COPS6: variants seen among roughly 807,000 people sequenced by gnomAD.
COPS6 encodes COP9 signalosome subunit 6.
In COPS6, 9 loss-of-function variants were observed where a neutral mutation model predicts 41.0. The observed-to-expected ratio is 0.22, with a 90% CI of 0.13 to 0.38. The LOEUF is 0.38. Ranked by LOEUF, COPS6 falls within the 10% of genes least tolerant of loss-of-function variation. The pLI, the probability that COPS6 is intolerant of heterozygous loss-of-function variation, is 1.00. For missense variants in COPS6, 302 were observed against 436.7 expected (o/e 0.69, Z 2.75); for synonymous variants, 179 against 162.9 (o/e 1.10, Z -0.75).
At chr7:100,089,259 C>T (rs375171440) in intron 1 of COPS6, 31 bp from the exon 2 acceptor site, 11 of 1,602,626 alleles carry the variant, frequency 6.9e-6, no homozygotes, top group Non-Finnish European at 9.4e-6. Context: ...GGCCCGGACT[C>T]TCACCCTCTC....
At position 100,091,085 on chromosome 7, in the gene COPS6, A is replaced by G. The variant is rs1278037938; in HGVS notation, c.582A>G (p.Glu194=). The G allele has an allele frequency of 6.2e-7, 1 of 1,614,254 alleles. No individual in the cohort carries two copies. The highest frequency in any genetic ancestry group is 8.5e-7 in the Non-Finnish European group (1 of 1,180,044). The part of the protein sequence containing the change: ...AELTYTLATE[E]AERIGVDHVA... ...TGACCTACACTCTGGCCACAGAGGA[A>G]GCGGAACGCATTGGTGTAGACCACG... Residue 194 remains glutamate, a synonymous_variant, in exon 7 of 10, where the codon GAA becomes GAG. Transcript: ENST00000303904. The surrounding 1 kb of genome is among the most constrained non-coding windows in gnomAD (Gnocchi z 4.1).
rs113017856 is a variant in COPS6, at chr7:100,091,536, G to A, written c.843+16G>A. On this transcript the variant is annotated intron_variant, in intron 9 of 9. Coordinates refer to ENST00000303904, the MANE Select transcript of COPS6 (RefSeq NM_006833.5). The surrounding 1 kb of genome is among the most constrained non-coding windows in gnomAD (Gnocchi z 4.1). ...TTTTTATGATGTGAGTGTAAAACCCGGATGGGGAGGCGGGGCTTATGCTGT... is the reference window on the plus strand; with the variant it reads ...TTTTTATGATGTGAGTGTAAAACCCAGATGGGGAGGCGGGGCTTATGCTGT... 124 of 1,613,926 alleles carry A rather than the reference G, an allele frequency of 7.7e-5. No individual in the cohort carries two copies. The highest frequency in any genetic ancestry group is 1.7e-4 in the African/African-American group (13 of 75,034).
Position 100,089,350 on chromosome 7 carries a change from T to C in COPS6, c.137T>C (p.Leu46Pro). Residue 46 changes from leucine (L) to proline (P), a missense_variant, in exon 2 of 10, where the codon CTT becomes CCT. Leu to Pro is a moderately conservative substitution (Grantham distance 98, BLOSUM62 -3). Coordinates refer to ENST00000303904, the MANE Select transcript of COPS6 (RefSeq NM_006833.5). ...AGTGTTTCCGTCGCTCTCCATCCCC[T>C]TGTCATTCTCAACATCTCAGACCAC... Reference protein sequence around the residue: ...TGSVSVALHPLVILNISDHWI... With the variant: ...TGSVSVALHPPVILNISDHWI... 6.2e-7 allele frequency: 1 copy of C among 1,614,080 alleles called. No individual in the cohort carries two copies.
rs773102720 is a variant in COPS6, at chr7:100,090,958, C to A, written c.534+9C>A. On this transcript the variant is annotated intron_variant, in intron 6 of 9. Transcript: ENST00000303904. ...ATATAATCAATGGAGAGGTAATACC[C>A]TACCCTTCAACCCTCAGATCCTGCT... The A allele has an allele frequency of 1.9e-5, 31 of 1,613,972 alleles. No homozygotes were observed. Among genetic ancestry groups the A allele is most frequent in the Admixed American group, 6.7e-5 (4 of 60,006 alleles).
intron 3 of COPS6, 161 bp downstream of exon 3, chr7:100,089,907 A>T: frequency 1.5e-6 from 1 of 673,236 alleles, no homozygotes; most frequent in African/African-American, 1.8e-5. Context: ...GAAAACGTTC[A>T]GAGTTCTTTC....
Position 100,089,679 on chromosome 7 carries a change from G to A in COPS6, c.267G>A (p.Leu89=). 4 of 1,613,932 alleles carry A rather than the reference G, an allele frequency of 2.5e-6. No homozygotes were observed. The highest frequency in any genetic ancestry group is 3.4e-6 in the Non-Finnish European group (4 of 1,179,898). ...RNIEVMNSFE[L]LSHTVEEKII... ...TCGAGGTGATGAACTCCTTTGAGCT[G>A]CTGTCCCACACCGTGGAAGAGAAGA... Residue 89 remains leucine, a synonymous_variant, in exon 3 of 10, where the codon CTG becomes CTA. Coordinates refer to ENST00000303904, the MANE Select transcript of COPS6 (RefSeq NM_006833.5).
chr7:100,091,075 C>A lies in COPS6; in HGVS notation c.572C>A (p.Ala191Asp). The A allele has an allele frequency of 6.2e-7, 1 of 1,614,212 alleles. No homozygotes were observed. Among genetic ancestry groups the A allele is most frequent in the Non-Finnish European group, 8.5e-7 (1 of 1,180,026 alleles). ...MLFAELTYTL[A>D]TEEAERIGVD... ...TTTGCTGAGCTGACCTACACTCTGG[C>A]CACAGAGGAAGCGGAACGCATTGGT... The change falls in exon 7 of 10, where the codon GCC becomes GAC. Residue 191 changes from alanine to aspartate, a missense_variant. This residue lies in a region of COPS6 where 222 missense variants were observed against 309.0 expected (regional missense o/e 0.72). Transcript: ENST00000303904. The surrounding 1 kb of genome is among the most constrained non-coding windows in gnomAD (Gnocchi z 4.1).
chr7:100,091,572 TG>T lies in COPS6; in HGVS notation c.843+53del. 1 of 1,613,854 alleles carries T rather than the reference TG, an allele frequency of 6.2e-7. No homozygotes were observed. The highest frequency in any genetic ancestry group is 8.5e-7 in the Non-Finnish European group (1 of 1,179,758). On this transcript the variant is annotated intron_variant, in intron 9 of 9. Transcript: ENST00000303904. The surrounding 1 kb of genome is among the most constrained non-coding windows in gnomAD (Gnocchi z 4.1). ...CGGGGCTTATGCTGTCACTTTCACG[TG>T]CAGGACTGGGGACTGTTGTTCCCCG...
intron 3 of COPS6, chr7:100,090,027 C>A: frequency 2.2e-6 from 1 of 444,928 alleles, no homozygotes; most frequent in Non-Finnish European, 4.1e-6. Context: ...ACACCAGGAG[C>A]TTCACATTGA....
chr7:100,091,162 G>A lies in COPS6; in HGVS notation c.649+10G>A, dbSNP rs199570050. 8.7e-6 allele frequency: 14 copies of A among 1,613,684 alleles called. No homozygotes were observed. The South Asian group carries it at 1.3e-4, about 15-fold the overall frequency. On this transcript the variant is annotated intron_variant, in intron 7 of 9. Transcript: ENST00000303904. The surrounding 1 kb of genome is among the most constrained non-coding windows in gnomAD (Gnocchi z 4.1). ...GGAGAGAACTCCACTGGTAATGGAG[G>A]GGATTCCTTGGAAGTGGGGTTGGAA... is the stretch of plus-strand genomic sequence containing the variant.
At chr7:100,089,237 G>T in intron 1 of COPS6, 53 bp from the exon 2 acceptor site, 1 of 1,579,972 alleles carries the variant, frequency 6.3e-7, no homozygotes, top group Non-Finnish European at 8.6e-7. Flanking sequence ...CCATCTCCAG[G>T]GAAGAACGTG....
Position 100,090,597 on chromosome 7 carries a change from T to C in COPS6, c.429T>C (p.Cys143=), listed in dbSNP as rs3823641. 1,360 of 1,613,966 alleles carry C rather than the reference T, an allele frequency of 8.4e-4. 20 individuals are homozygous for C. In the East Asian group the frequency reaches 0.027, roughly 32 times the overall value. Residue 143 remains cysteine (C), a synonymous_variant, in exon 5 of 10, where the codon TGT becomes TGC. Transcript: ENST00000303904. The part of the protein sequence containing the change: ...PSDIHVHKQV[C]EIIESPLFLK... ...GCATTGTCCCTCTCTTCCAGGTGTGTGAGATCATCGAGAGCCCCCTCTTTC... is the reference window on the plus strand; with the variant it reads ...GCATTGTCCCTCTCTTCCAGGTGTGCGAGATCATCGAGAGCCCCCTCTTTC...
In COPS6 at chr7:100,089,785, T is replaced by TA. The variant is rs371859953; in HGVS notation, c.334+49dup. Reference sequence around the variant, plus strand: ...AGATGTGGGGAAGAGGAGTGGGAGTTAAAAAAAAAATGTACAGGGTGGGGA... The same window carrying TA: ...AGATGTGGGGAAGAGGAGTGGGAGTTAAAAAAAAAAATGTACAGGGTGGGGA... On this transcript the variant is annotated intron_variant, in intron 3 of 9. Coordinates refer to ENST00000303904, the MANE Select transcript of COPS6 (RefSeq NM_006833.5). 2.8e-3 allele frequency: 3,962 copies of TA among 1,433,002 alleles called. 3 individuals carry two copies. Among genetic ancestry groups the TA allele is most frequent in the Non-Finnish European group, 3.2e-3 (3,419 of 1,061,366 alleles). The allele number at this position is 1,433,002 out of a possible 1,614,324, so 88.8% of individuals were successfully genotyped here. A position where few individuals can be genotyped will look rare whatever the true frequency, so the allele number is the denominator to read the frequency against.
At position 100,089,328 on chromosome 7, in the gene COPS6, G is replaced by A; in HGVS notation, c.115G>A (p.Val39Ile). The A allele has an allele frequency of 6.2e-7, 1 of 1,614,108 alleles. No homozygotes were observed. The highest frequency in any genetic ancestry group is 8.5e-7 in the Non-Finnish European group (1 of 1,180,012). ...GATGGCCTGCGGAGTGACTGGGAGT[G>A]TTTCCGTCGCTCTCCATCCCCTTGT... ...SVMACGVTGSVSVALHPLVIL... is the reference protein window; with the variant it reads ...SVMACGVTGSISVALHPLVIL... The change falls in exon 2 of 10, where the codon GTT (valine) becomes ATT (isoleucine). Residue 39 changes from valine to isoleucine, a missense_variant. Val to Ile is a conservative substitution (Grantham distance 29, BLOSUM62 3). Around this residue, in one of 3 missense-constraint regions of COPS6, gnomAD observed 76 missense variants for 97.9 expected, o/e 0.78. Transcript: ENST00000303904.
intron 3 of COPS6, 131 bp downstream of exon 3, chr7:100,089,877 C>T: frequency 1.2e-6 from 1 of 817,568 alleles, no homozygotes; most frequent in Non-Finnish European, 1.9e-6. Context: ...TGAAGAGTAG[C>T]TGGAGAGATC....
intron 3 of COPS6, 40 bp downstream of exon 3, chr7:100,089,786 A>T (rs1455868657): frequency 1.9e-6 from 2 of 1,038,942 alleles, no homozygotes; most frequent in Non-Finnish European, 2.6e-6. Flanking sequence ...AGTGGGAGTT[A>T]AAAAAAAAAT....
chr7:100,090,111 A>G (rs1795289356), intron 3 of COPS6: 2 of 456,006 alleles, frequency 4.4e-6, no homozygotes, highest in African/African-American at 3.9e-5. Context: ...GCACTTTGGG[A>G]GGCCGAGGTG....
Position 100,091,688 on chromosome 7 carries a change from A to G in COPS6, c.883A>G (p.Ile295Val). Residue 295 changes from isoleucine to valine, a missense_variant, in exon 10 of 10, where the codon ATC (isoleucine) becomes GTC (valine). Around this residue, in one of 3 missense-constraint regions of COPS6, gnomAD observed 222 missense variants for 309.0 expected, o/e 0.72. Coordinates refer to ENST00000303904, the MANE Select transcript of COPS6 (RefSeq NM_006833.5). The surrounding 1 kb of genome is among the most constrained non-coding windows in gnomAD (Gnocchi z 4.1). ...GGGGCTCATGGCCTACCTCGGCACC[A>G]TCACCAAAACGTGCAACACCATGAA... ...DVGLMAYLGT[I>V]TKTCNTMNQF... 6.2e-7 allele frequency: 1 copy of G among 1,614,210 alleles called. No individual in the cohort carries two copies. Among genetic ancestry groups the G allele is most frequent in the Non-Finnish European group, 8.5e-7 (1 of 1,180,050 alleles).
Position 100,091,794 on chromosome 7 carries a change from G to A in COPS6, c.*5G>A. 1 of 1,614,190 alleles carries A rather than the reference G, an allele frequency of 6.2e-7. No homozygotes were observed. The highest frequency in any genetic ancestry group is 1.1e-5 in the South Asian group (1 of 91,082). On this transcript the variant is annotated 3_prime_UTR_variant, in exon 10 of 10. Coordinates refer to ENST00000303904, the MANE Select transcript of COPS6 (RefSeq NM_006833.5). This position sits in a 1 kb window ranked among gnomAD's most constrained non-coding sequence, Gnocchi z 4.1. The stretch of plus-strand genomic sequence containing the variant: ...ATGCGCGGGCTCTTTTTCTGATGAG[G>A]GTACTTGAAGGGCTGATGGACAGGG...
Sources: allele counts gnomAD v4.1 joint callset, GRCh38; gene constraint gnomAD v4.1.1; regional missense constraint gnomAD v4.1.1; non-coding constraint Gnocchi (gnomAD v3.1); transcripts MANE v1.5; gene names NCBI Gene and HGNC (gene_info 2026-07-23, HGNC 2026-07-21).